The following EYS variants were observed in gnomAD, a reference collection of about 807,000 sequenced individuals.
EYS encodes the protein EGF-like photoreceptor maintenance factor, also known as protein eyes shut homolog.
Under a neutral mutation model 282.1 loss-of-function variants are expected in EYS, and 250 were observed. The ratio of observed to expected loss-of-function variants is 0.89; its 90% CI spans 0.80 to 0.98. The LOEUF (loss-of-function observed/expected upper bound fraction) is 0.98. EYS is among the 50% of genes least tolerant of loss of function. The pLI is 0.00. For synonymous variants in EYS, 1,355 were observed against 1,282.9 expected, an observed-to-expected ratio of 1.06 and a Z score of -1.20; for missense variants, 4,016 against 3,709.0, an observed-to-expected ratio of 1.08 and a Z score of -2.15.
chr6:63,888,430 T>A (rs555213699), intron 35 of EYS, among the ~76,000 whole-genome samples: 2 of 152,272 alleles, frequency 1.3e-5, no homozygotes, highest in East Asian at 3.9e-4. Flanking sequence ...GGGCGAAGCT[T>A]CCAGAGGAAG....
At chr6:65,104,361 T>A (rs563359448) in intron 12 of EYS, among the ~76,000 whole-genome samples, 1 of 151,474 alleles carries the variant, frequency 6.6e-6, no homozygotes. Context: ...TACTGACACA[T>A]TTTAATTTAC....
chr6:63,749,820 C>T (rs1769299000), intron 41 of EYS, among the ~76,000 whole-genome samples: 1 of 152,186 alleles, frequency 6.6e-6, no homozygotes, highest in African/African-American at 2.4e-5. Context: ...CCAACTTCCT[C>T]CCTCTTCAGC....
chr6:64,969,206 T>C (rs1022393566), intron 14 of EYS, among the ~76,000 whole-genome samples: 1 of 152,168 alleles, frequency 6.6e-6, no homozygotes, highest in Non-Finnish European at 1.5e-5. Flanking sequence ...AGCTAAATTG[T>C]CAGCTGAAAG....
intron 2 of EYS, among the ~76,000 whole-genome samples, chr6:65,573,042 T>C (rs988170133): frequency 6.6e-6 from 1 of 152,128 alleles, no homozygotes; most frequent in Non-Finnish European, 1.5e-5. Flanking sequence ...GAAACATCTA[T>C]AATTTAGCCT....
intron 26 of EYS, among the ~76,000 whole-genome samples, chr6:64,553,545 A>AACC (rs1765150929): frequency 2.4e-4 from 11 of 46,474 alleles, no homozygotes; most frequent in East Asian, 9.7e-4. Flanking sequence ...CTTTTGTTTG[A>AACC]CCCCCCCCCC....
intron 2 of EYS, among the ~76,000 whole-genome samples, chr6:65,503,295 T>C (rs1043847321): frequency 1.3e-5 from 2 of 151,684 alleles, no homozygotes; most frequent in Non-Finnish European, 3.0e-5. Context: ...TCAGATCTTA[T>C]GCACGTTTAA....
In EYS at chr6:64,066,506, G is replaced by GAATAT; in HGVS notation, c.6572-20_6572-16dup. ...ATTCCCATTACCTTTAAGAAAAAAAGAATATATTAGTAATTATTGTAGATT... is the reference window on the plus strand; with the variant it reads ...ATTCCCATTACCTTTAAGAAAAAAAGAATATAATATATTAGTAATTATTGTAGATT... On this transcript the variant is annotated splice_polypyrimidine_tract_variant and intron_variant, in intron 32 of 42. Transcript: ENST00000503581. The GAATAT allele has an allele frequency of 7.1e-7, 1 of 1,405,960 alleles. No homozygotes were observed. Among genetic ancestry groups the GAATAT allele is most frequent in the Admixed American group, 2.1e-5 (1 of 48,374 alleles). The allele number at this position is 1,405,960 out of a possible 1,614,324, so 87.1% of individuals were successfully genotyped here.
intron 29 of EYS, among the ~76,000 whole-genome samples, chr6:64,317,632 G>A (rs766349597): frequency 1.3e-5 from 2 of 152,084 alleles, no homozygotes; most frequent in Admixed American, 1.3e-4. Context: ...AATTCCTCAA[G>A]GATCTAGAAC....
intron 29 of EYS, among the ~76,000 whole-genome samples, chr6:64,373,220 C>G (rs1355532658): frequency 1.3e-5 from 2 of 151,962 alleles, no homozygotes; most frequent in East Asian, 3.9e-4. Context: ...AAGTTGCTGT[C>G]CTTTGGATGG....
At chr6:65,528,946 A>G (rs976424212) in intron 2 of EYS, among the ~76,000 whole-genome samples, 1 of 152,190 alleles carries the variant, frequency 6.6e-6, no homozygotes, top group African/African-American at 2.4e-5. Context: ...AATTTTCAGA[A>G]ATCTAGAATG....
intron 19 of EYS, among the ~76,000 whole-genome samples, chr6:64,857,714 T>G (rs909655835): frequency 3.9e-5 from 6 of 152,204 alleles, no homozygotes; most frequent in African/African-American, 1.4e-4. Flanking sequence ...CTAAGTTACA[T>G]TCCCACCAGC....
At chr6:64,359,489 C>G (rs553905609) in intron 29 of EYS, among the ~76,000 whole-genome samples, 1 of 151,832 alleles carries the variant, frequency 6.6e-6, no homozygotes, top group African/African-American at 2.4e-5. Context: ...TACATTCGTA[C>G]TTTACAATAA....
chr6:64,307,076 C>A lies in EYS; in HGVS notation c.6085G>T (p.Val2029Leu). ...CAGCCAGTAAAATTCTTGACTGGTA[C>A]AGGCATCTGAGAGAGAGAGAGAGAG... ...PDLHGKIQMPVPVKNFTGCIE... is the reference protein window; with the variant it reads ...PDLHGKIQMPLPVKNFTGCIE... The change falls in exon 30 of 43, where the codon GTA becomes TTA. Residue 2029 changes from valine (V) to leucine (L), a missense_variant. Coordinates refer to ENST00000503581, the MANE Select transcript of EYS (RefSeq NM_001142800.2). 1.5e-6 allele frequency: 2 copies of A among 1,378,898 alleles called. No homozygotes were observed. Among genetic ancestry groups the A allele is most frequent in the Non-Finnish European group, 2.0e-6 (2 of 1,006,232 alleles). 85.4% of individuals were successfully genotyped at this position (1,378,898 alleles called of 1,614,324 possible).
intron 14 of EYS, among the ~76,000 whole-genome samples, chr6:64,986,532 T>C (rs1407603736): frequency 6.7e-6 from 1 of 149,830 alleles, no homozygotes; most frequent in Non-Finnish European, 1.5e-5. Flanking sequence ...TCATGGTGTT[T>C]CCTGCAATGT....
intron 36 of EYS, among the ~76,000 whole-genome samples, chr6:63,830,647 A>T (rs1182555111): frequency 6.6e-6 from 1 of 152,216 alleles, no homozygotes; most frequent in Non-Finnish European, 1.5e-5. Flanking sequence ...ACTCTTCAGG[A>T]TATTATCCAG....
At chr6:64,465,868 A>G (rs1370348133) in intron 26 of EYS, among the ~76,000 whole-genome samples, 3 of 152,134 alleles carry the variant, frequency 2.0e-5, no homozygotes, top group African/African-American at 7.2e-5. Context: ...TAAGAGATTA[A>G]TATCTAAAAT....
chr6:64,575,483 A>T (rs75838153), intron 26 of EYS, among the ~76,000 whole-genome samples: 3,635 of 152,212 alleles, frequency 0.024, 91 homozygotes, highest in East Asian at 0.11. Context: ...GGCAGAAGCA[A>T]GGAGTCCAGG....
At chr6:63,857,758 G>A in intron 36 of EYS, 1 of 314,168 alleles carries the variant, frequency 3.2e-6, no homozygotes. Context: ...AAACTTTGAA[G>A]ACATTACAAC....
chr6:64,713,687 G>T (rs1426332420), intron 22 of EYS, among the ~76,000 whole-genome samples: 1 of 152,068 alleles, frequency 6.6e-6, no homozygotes, highest in Non-Finnish European at 1.5e-5. Context: ...TTCAGGTAAG[G>T]TCAACAAGCT....
Sources: gnomAD v4.1 joint callset for allele counts (sites outside exome capture counted in the v4.1 genomes callset) on GRCh38, gnomAD v4.1.1 for gene constraint, MANE v1.5 for transcripts, NCBI Gene and HGNC (gene_info 2026-07-23, HGNC 2026-07-21) for gene names.